Variants in STARD13 observed in about 807,000 individuals in gnomAD.
The protein encoded by STARD13 is StAR related lipid transfer domain containing 13.
A neutral mutation model predicts 106.4 loss-of-function variants in STARD13; 62 were observed. The ratio of observed to expected loss-of-function variants is 0.58; its 90% confidence interval spans 0.48 to 0.72. The LOEUF (loss-of-function observed/expected upper bound fraction) is 0.72. Ranked by LOEUF, STARD13 falls within the 30% of genes least tolerant of loss-of-function variation. The probability of loss-of-function intolerance (pLI) is 0.00; values close to 1 mark genes in which losing one functional copy is unlikely to be tolerated. For missense variants in STARD13, 1,387 were observed against 1,424.0 expected (o/e 0.97, Z 0.42); for synonymous variants, 565 against 553.0 (o/e 1.02, Z -0.31).
At chr13:33,364,277 G>C in the STARD13 span, among the ~76,000 whole-genome samples, 1 of 152,042 alleles carries the variant, frequency 6.6e-6, no homozygotes, top group South Asian at 2.1e-4. Flanking sequence ...ACCAACCTAA[G>C]CAACATCATG....
intron 1 of STARD13, among the ~76,000 whole-genome samples, chr13:33,224,450 AG>A (rs1182585889): frequency 6.6e-6 from 1 of 152,186 alleles, no homozygotes; most frequent in Non-Finnish European, 1.5e-5. Flanking sequence ...GTGGCCACTA[AG>A]GGTTGGCAGT....
chr13:33,209,712 T>C (rs9596958), intron 1 of STARD13, among the ~76,000 whole-genome samples: 51,673 of 151,822 alleles, frequency 0.34, 9,057 homozygotes, highest in Middle Eastern at 0.44. Context: ...GTGGCTCACG[T>C]GCACTCCCAA....
the STARD13 span, among the ~76,000 whole-genome samples, chr13:33,617,274 A>G: frequency 1.3e-5 from 2 of 152,216 alleles, no homozygotes; most frequent in Admixed American, 1.3e-4. Context: ...TACCATGTAC[A>G]GTGTATATTA....
At chr13:33,512,693 T>A in the STARD13 span, among the ~76,000 whole-genome samples, 1 of 152,276 alleles carries the variant, frequency 6.6e-6, no homozygotes, top group African/African-American at 2.4e-5. Flanking sequence ...GGTTTTGAAC[T>A]CCTGACCTCA....
rs55996131 is a variant in STARD13, at chr13:33,214,699, T to TACACAC, written c.170-47083_170-47078dup. Among the ~76,000 whole-genome samples the TACACAC allele has an allele frequency of 2.8e-3, 406 of 144,144 alleles. 2 individuals carry two copies. The highest frequency in any genetic ancestry group is 9.3e-3 in the African/African-American group (364 of 39,316). The allele number at this position is 144,144 out of a possible 152,430, so 94.6% of individuals were successfully genotyped here. On this transcript the variant is annotated intron_variant, in intron 1 of 13. Coordinates refer to ENST00000336934, the MANE Select transcript of STARD13 (RefSeq NM_178006.4). ...GCAGATACACACACACATGCACACATACACACACACACACACACACACACA... is the reference window on the plus strand; with the variant it reads ...GCAGATACACACACACATGCACACATACACACACACACACACACACACACACACACA...
At chr13:33,345,685 A>T (rs1566151666), downstream of STARD13, among the ~76,000 whole-genome samples, 1 of 152,212 alleles carries the variant, frequency 6.6e-6, no homozygotes, top group Non-Finnish European at 1.5e-5. Context: ...AAGCCCAATA[A>T]GAGCTCCCAA....
At chr13:33,328,540 G>T (rs1253241913) in intron 1 of STARD13, among the ~76,000 whole-genome samples, 1 of 152,220 alleles carries the variant, frequency 6.6e-6, no homozygotes, top group Non-Finnish European at 1.5e-5. Context: ...TTCAACCAGA[G>T]TGCAGGAAAT....
chr13:33,181,682 T>C (rs1885250299), intron 1 of STARD13, among the ~76,000 whole-genome samples: 1 of 152,240 alleles, frequency 6.6e-6, no homozygotes, highest in Non-Finnish European at 1.5e-5. Context: ...CTTCTAGTTC[T>C]GATTCTGCCT....
chr13:33,449,828 G>C, the STARD13 span, among the ~76,000 whole-genome samples: 1 of 151,842 alleles, frequency 6.6e-6, no homozygotes, highest in Non-Finnish European at 1.5e-5. Flanking sequence ...TTTATTCCTA[G>C]GTAATTTTTT....
At chr13:33,220,518 T>A (rs1594124700) in intron 1 of STARD13, among the ~76,000 whole-genome samples, 1 of 151,648 alleles carries the variant, frequency 6.6e-6, no homozygotes, top group African/African-American at 2.4e-5. Flanking sequence ...TAGTGAAACC[T>A]CGTCTCTACT....
chr13:33,330,785 G>C (rs1263275562), intron 1 of STARD13, among the ~76,000 whole-genome samples: 1 of 152,126 alleles, frequency 6.6e-6, no homozygotes, highest in Non-Finnish European at 1.5e-5. Flanking sequence ...GGGCACCGAG[G>C]CTTGGAGTGA....
intron 1 of STARD13, among the ~76,000 whole-genome samples, chr13:33,256,385 C>T (rs927593209): frequency 1.6e-4 from 24 of 152,214 alleles, no homozygotes; most frequent in African/African-American, 5.3e-4. Flanking sequence ...GCCTCACTTC[C>T]TCCCCTCTTG....
chr13:33,193,345 G>T (rs1886386609), intron 1 of STARD13, among the ~76,000 whole-genome samples: 1 of 152,190 alleles, frequency 6.6e-6, no homozygotes, highest in South Asian at 2.1e-4. Flanking sequence ...CCTTGCAGAA[G>T]GTTCTAGGTG....
the STARD13 span, among the ~76,000 whole-genome samples, chr13:33,642,854 A>AC: frequency 1.3e-5 from 2 of 151,816 alleles, no homozygotes; most frequent in Non-Finnish European, 1.5e-5. Flanking sequence ...AAAAAAAAAA[A>AC]AAAACCTCCC....
At chr13:33,437,456 C>T in the STARD13 span, among the ~76,000 whole-genome samples, 157 of 152,270 alleles carry the variant, frequency 1.0e-3, no homozygotes, top group African/African-American at 1.8e-3. Context: ...GTTTTGCCTG[C>T]GGCTCGTCCT....
the STARD13 span, among the ~76,000 whole-genome samples, chr13:33,465,140 C>T: frequency 6.6e-6 from 1 of 150,956 alleles, no homozygotes; most frequent in Non-Finnish European, 1.5e-5. Context: ...TTGCTATTTT[C>T]TTTCTACCAT....
At chr13:33,143,227 C>G (rs763979043) in intron 3 of STARD13, among the ~76,000 whole-genome samples, 3 of 152,168 alleles carry the variant, frequency 2.0e-5, no homozygotes, top group Non-Finnish European at 4.4e-5. Context: ...GATTTTCACC[C>G]TCAGCTGGAC....
At chr13:33,585,068 G>A in the STARD13 span, among the ~76,000 whole-genome samples, 1 of 152,094 alleles carries the variant, frequency 6.6e-6, no homozygotes, top group South Asian at 2.1e-4. Context: ...TTTCTTTATA[G>A]CAATGTGAGA....
At chr13:33,254,805 C>A (rs79344654) in intron 1 of STARD13, among the ~76,000 whole-genome samples, 3,052 of 152,236 alleles carry the variant, frequency 0.02, 117 homozygotes, top group African/African-American at 0.071. Flanking sequence ...AAGGGAAGAT[C>A]GTGTTCCCAC....
Sources: allele counts gnomAD v4.1 joint callset (sites outside exome capture counted in the v4.1 genomes callset), GRCh38; gene constraint gnomAD v4.1.1; transcripts MANE v1.5; gene names NCBI Gene and HGNC (gene_info 2026-07-23, HGNC 2026-07-21).